Variants in TRIM37 observed in about 807,000 individuals in gnomAD.
TRIM37 encodes E3 ubiquitin-protein ligase TRIM37.
A neutral mutation model predicts 129.8 loss-of-function variants in TRIM37; 80 were observed. That is an observed-to-expected ratio of 0.62 (90% CI 0.51 to 0.74). The LOEUF is 0.74. Among genes scored for constraint, TRIM37 ranks in the 30% least tolerant of loss-of-function variants. The pLI is 0.00. For missense variants in TRIM37, 1,054 were observed against 1,176.5 expected (o/e 0.90, Z 1.52); for synonymous variants, 389 against 387.1 (o/e 1.00, Z -0.06).
intron 11 of TRIM37, among the ~76,000 whole-genome samples, chr17:59,061,691 A>G (rs1286710312): frequency 3.3e-5 from 5 of 152,050 alleles, no homozygotes; most frequent in African/African-American, 4.8e-5. Flanking sequence ...CTTCCTATGT[A>G]TTTCCCTAGT....
downstream of TRIM37, among the ~76,000 whole-genome samples, chr17:58,996,759 A>C: frequency 6.9e-6 from 1 of 145,360 alleles, no homozygotes; most frequent in African/African-American, 2.6e-5. Flanking sequence ...ACAGAGTGAG[A>C]CTCCATCAAA....
At chr17:59,081,941 A>C (rs1250045503) in intron 5 of TRIM37, among the ~76,000 whole-genome samples, 4 of 99,502 alleles carry the variant, frequency 4.0e-5, no homozygotes, top group African/African-American at 1.7e-4. Context: ...AAAAACCAAA[A>C]AAAAAAAAAA....
chr17:59,075,829 C>A (rs2042770224), intron 7 of TRIM37, 115 bp from the exon 8 acceptor site: 1 of 779,148 alleles, frequency 1.3e-6, no homozygotes, highest in East Asian at 2.6e-5. Context: ...AGCAAAAATT[C>A]TTCATTACAG....
At chr17:59,088,224 T>A in intron 4 of TRIM37, 67 bp downstream of exon 4, 1 of 967,994 alleles carries the variant, frequency 1.0e-6, no homozygotes, top group Non-Finnish European at 1.7e-6. Context: ...CAACTACCAA[T>A]ATAGTGTCAT....
intron 17 of TRIM37, among the ~76,000 whole-genome samples, chr17:59,033,340 GATT>G (rs1669864851): frequency 6.6e-6 from 1 of 152,084 alleles, no homozygotes; most frequent in Non-Finnish European, 1.5e-5. Flanking sequence ...CTCTTCTAAG[GATT>G]ATTATCTCAC....
intron 17 of TRIM37, among the ~76,000 whole-genome samples, chr17:59,035,113 A>G (rs2038315256): frequency 6.6e-6 from 1 of 151,876 alleles, no homozygotes; most frequent in Non-Finnish European, 1.5e-5. Flanking sequence ...AGGCTGGAGT[A>G]CAGTGGCACA....
At chr17:59,046,426 A>G (rs1164665862) in intron 16 of TRIM37, among the ~76,000 whole-genome samples, 1 of 152,342 alleles carries the variant, frequency 6.6e-6, no homozygotes, top group East Asian at 1.9e-4. Context: ...ATCCCTGCCA[A>G]AAGTGTGTAA....
chr17:59,095,217 TA>T (rs879324328), intron 2 of TRIM37, among the ~76,000 whole-genome samples: 138 of 144,944 alleles, frequency 9.5e-4, no homozygotes, highest in Admixed American at 1.2e-3. Context: ...CTCGGTCTCT[TA>T]AAAAAAAAAA....
rs113270312 is a variant in TRIM37, at chr17:59,079,656, A to C, written c.616+98T>G. 1.1e-5 allele frequency: 17 copies of C among 1,500,746 alleles called. No homozygotes were observed. The African/African-American group carries it at 1.4e-4, about 12-fold the overall frequency. 93.0% of individuals were successfully genotyped at this position (1,500,746 alleles called of 1,614,324 possible). On this transcript the variant is annotated intron_variant, in intron 7 of 23. Transcript: ENST00000262294. ...ACAACATGGAGTTGCCTAAAATCTC[A>C]AGATTCCTTCCTAGGATGATCACCC...
chr17:59,090,490 T>G (rs569470217), intron 3 of TRIM37, among the ~76,000 whole-genome samples: 1 of 152,272 alleles, frequency 6.6e-6, no homozygotes, highest in African/African-American at 2.4e-5. Context: ...AACCCAACAA[T>G]TTCTTCTGAA....
chr17:59,032,549 A>G (rs896179339), intron 17 of TRIM37, among the ~76,000 whole-genome samples: 1 of 151,274 alleles, frequency 6.6e-6, no homozygotes, highest in East Asian at 1.9e-4. Context: ...AAAAAAAAAA[A>G]AAAAGAAAGA....
chr17:59,080,987 C>T (rs976551943), intron 6 of TRIM37, 110 bp downstream of exon 6: 3 of 662,348 alleles, frequency 4.5e-6, no homozygotes, highest in Non-Finnish European at 6.0e-6. Context: ...ATCAAATTTG[C>T]AAATCTTGAA....
chr17:59,070,238 A>C (rs1451037550), intron 9 of TRIM37, among the ~76,000 whole-genome samples: 1 of 152,192 alleles, frequency 6.6e-6, no homozygotes, highest in Non-Finnish European at 1.5e-5. Context: ...GCCCAAGATG[A>C]AAACTAGGAT....
At chr17:59,087,653 T>C (rs1160446275) in intron 4 of TRIM37, among the ~76,000 whole-genome samples, 1 of 152,084 alleles carries the variant, frequency 6.6e-6, no homozygotes, top group Non-Finnish European at 1.5e-5. Context: ...AATTTTTTTC[T>C]AATGACCTGT....
intron 4 of TRIM37, 71 bp downstream of exon 4, chr17:59,088,220 C>A (rs780008880): frequency 3.2e-6 from 3 of 942,508 alleles, no homozygotes; most frequent in Non-Finnish European, 5.2e-6. Flanking sequence ...AAGGCAACTA[C>A]CAATATAGTG....
chr17:58,985,968 C>T (rs987883774), intron 24 of TRIM37, among the ~76,000 whole-genome samples: 41 of 152,140 alleles, frequency 2.7e-4, no homozygotes, highest in African/African-American at 9.4e-4. Context: ...AAGTGTTACA[C>T]TTGAAAAAAT....
chr17:59,098,641 G>A (rs1263469635), intron 2 of TRIM37, among the ~76,000 whole-genome samples: 1 of 148,630 alleles, frequency 6.7e-6, no homozygotes, highest in East Asian at 2.0e-4. Flanking sequence ...CTCCAACGTG[G>A]GCAACAGAGT....
At chr17:59,065,324 G>A (rs1012833223) in intron 9 of TRIM37, among the ~76,000 whole-genome samples, 2 of 152,260 alleles carry the variant, frequency 1.3e-5, no homozygotes, top group African/African-American at 4.8e-5. Flanking sequence ...AATATTAACA[G>A]ACCTCAAATA....
chr17:58,978,766 T>C (rs2031183046), downstream of TRIM37, among the ~76,000 whole-genome samples: 1 of 152,192 alleles, frequency 6.6e-6, no homozygotes, highest in African/African-American at 2.4e-5. Context: ...GGTTACCTCA[T>C]AGGCTAAGGA....
Sources: gnomAD v4.1 joint callset for allele counts (sites outside exome capture counted in the v4.1 genomes callset) on GRCh38, gnomAD v4.1.1 for gene constraint, MANE v1.5 for transcripts, NCBI Gene and HGNC (gene_info 2026-07-23, HGNC 2026-07-21) for gene names.